The following GRIK3 variants were observed in gnomAD, a reference collection of about 807,000 sequenced individuals.
GRIK3 encodes the protein glutamate ionotropic receptor kainate type subunit 3, also known as glutamate receptor ionotropic, kainate 3.
Under a neutral mutation model 102.5 loss-of-function variants are expected in GRIK3, and 29 were observed. The ratio of observed to expected loss-of-function variants is 0.28; its 90% CI spans 0.21 to 0.39. The LOEUF (loss-of-function observed/expected upper bound fraction) is 0.39. Ranked by LOEUF, GRIK3 falls within the 10% of genes least tolerant of loss-of-function variation. GRIK3 has a pLI of 1.00. For synonymous variants in GRIK3, 511 were observed against 504.9 expected, an observed-to-expected ratio of 1.01 and a Z score of -0.16; for missense variants, 908 against 1,252.4, an observed-to-expected ratio of 0.73 and a Z score of 4.15.
At chr1:36,961,603 AG>A (rs1642010107) in intron 1 of GRIK3, among the ~76,000 whole-genome samples, 1 of 152,234 alleles carries the variant, frequency 6.6e-6, no homozygotes, top group Admixed American at 6.5e-5. Context: ...TGTGGGCTTC[AG>A]GGCCTATCTG....
At chr1:36,916,007 T>C (rs1641395240) in intron 1 of GRIK3, among the ~76,000 whole-genome samples, 1 of 152,122 alleles carries the variant, frequency 6.6e-6, no homozygotes, top group Admixed American at 6.5e-5. Context: ...TGTGGGAAGT[T>C]TGGAATTGCC....
intron 15 of GRIK3, among the ~76,000 whole-genome samples, chr1:36,802,868 C>T (rs751214306): frequency 6.6e-6 from 1 of 152,156 alleles, no homozygotes; most frequent in Non-Finnish European, 1.5e-5. Context: ...ACCCTCCAGG[C>T]TTCCCTTTCC....
chr1:36,947,380 T>A (rs1398863249), intron 1 of GRIK3, among the ~76,000 whole-genome samples: 1 of 152,128 alleles, frequency 6.6e-6, no homozygotes, highest in East Asian at 1.9e-4. Context: ...TGGTCTCAGC[T>A]GCCCACAATT....
At chr1:37,025,846 A>C (rs1175925680) in intron 1 of GRIK3, among the ~76,000 whole-genome samples, 1 of 152,176 alleles carries the variant, frequency 6.6e-6, no homozygotes, top group Non-Finnish European at 1.5e-5. Flanking sequence ...CTGCTCTGCT[A>C]TCCTTAACTA....
intron 1 of GRIK3, among the ~76,000 whole-genome samples, chr1:36,899,808 T>C (rs1397725328): frequency 6.6e-6 from 1 of 152,218 alleles, no homozygotes; most frequent in East Asian, 1.9e-4. Flanking sequence ...CAAGGAACTT[T>C]ATCAGAGACA....
intron 3 of GRIK3, among the ~76,000 whole-genome samples, chr1:36,874,311 G>A (rs527901131): frequency 6.6e-6 from 1 of 152,262 alleles, no homozygotes; most frequent in Admixed American, 6.5e-5. Flanking sequence ...TTGCTTCGGG[G>A]ACAGACATGT....
intron 1 of GRIK3, among the ~76,000 whole-genome samples, chr1:36,941,159 A>G (rs1641714892): frequency 6.6e-6 from 1 of 152,084 alleles, no homozygotes; most frequent in South Asian, 2.1e-4. Context: ...ATGATTTCAG[A>G]TCAGGATGGA....
At chr1:36,914,515 G>A (rs571256591) in intron 1 of GRIK3, among the ~76,000 whole-genome samples, 110 of 152,200 alleles carry the variant, frequency 7.2e-4, no homozygotes, top group Non-Finnish European at 1.4e-3. Context: ...GCATCTTACT[G>A]GAAACACGCT....
At chr1:36,979,180 T>C (rs1386812271) in intron 1 of GRIK3, among the ~76,000 whole-genome samples, 1 of 152,224 alleles carries the variant, frequency 6.6e-6, no homozygotes, top group African/African-American at 2.4e-5. Flanking sequence ...AGACCAGTCA[T>C]TGCAATAGAA....
intron 11 of GRIK3, among the ~76,000 whole-genome samples, chr1:36,825,116 G>A (rs1642741209): frequency 6.6e-6 from 1 of 152,190 alleles, no homozygotes; most frequent in East Asian, 1.9e-4. Flanking sequence ...GCCCAGACAG[G>A]GATGTGTGTA....
chr1:36,895,023 T>A (rs551921334), intron 1 of GRIK3, among the ~76,000 whole-genome samples: 1 of 152,216 alleles, frequency 6.6e-6, no homozygotes, highest in African/African-American at 2.4e-5. Flanking sequence ...AGCCATCCTA[T>A]CCCTTCTACA....
At chr1:36,840,201 G>T (rs1640429864) in intron 10 of GRIK3, among the ~76,000 whole-genome samples, 1 of 152,048 alleles carries the variant, frequency 6.6e-6, no homozygotes, top group Non-Finnish European at 1.5e-5. Context: ...CTACCTCACT[G>T]GGCTTTTATA....
chr1:37,018,815 CATT>C (rs1642680069), intron 1 of GRIK3, among the ~76,000 whole-genome samples: 1 of 151,896 alleles, frequency 6.6e-6, no homozygotes, highest in African/African-American at 2.4e-5. Flanking sequence ...TTCCATAAAT[CATT>C]GTCTCCATGA....
chr1:36,856,275 T>C (rs1046092341), intron 7 of GRIK3, among the ~76,000 whole-genome samples: 3 of 152,178 alleles, frequency 2.0e-5, no homozygotes, highest in Non-Finnish European at 4.4e-5. Context: ...CCTTCCTGCC[T>C]GTCAGCTACA....
chr1:36,969,504 C>T (rs1642118769), intron 1 of GRIK3, among the ~76,000 whole-genome samples: 2 of 152,210 alleles, frequency 1.3e-5, no homozygotes, highest in African/African-American at 4.8e-5. Flanking sequence ...CATTTGTTGG[C>T]ACTAACCATG....
At chr1:36,982,262 C>T (rs938249096) in intron 1 of GRIK3, among the ~76,000 whole-genome samples, 1 of 152,142 alleles carries the variant, frequency 6.6e-6, no homozygotes, top group African/African-American at 2.4e-5. Context: ...TGGTCAGGGC[C>T]CCGGGCTGGC....
chr1:36,909,854 A>G (rs917056878), intron 1 of GRIK3, among the ~76,000 whole-genome samples: 1 of 152,174 alleles, frequency 6.6e-6, no homozygotes, highest in African/African-American at 2.4e-5. Flanking sequence ...GTTTCGGGAA[A>G]CATACTGAAT....
intron 1 of GRIK3, among the ~76,000 whole-genome samples, chr1:36,942,900 C>G (rs1162616529): frequency 6.6e-6 from 1 of 152,164 alleles, no homozygotes; most frequent in East Asian, 1.9e-4. Flanking sequence ...TAGGGCAGCT[C>G]AGTGGACTGA....
chr1:37,027,490 C>A (rs1370786400), intron 1 of GRIK3, among the ~76,000 whole-genome samples: 1 of 152,112 alleles, frequency 6.6e-6, no homozygotes, highest in Non-Finnish European at 1.5e-5. Flanking sequence ...GTCATGCAAG[C>A]AAAGGGTCCT....
Sources: allele counts gnomAD v4.1 joint callset (sites outside exome capture counted in the v4.1 genomes callset), GRCh38; gene constraint gnomAD v4.1.1; transcripts MANE v1.5; gene names NCBI Gene and HGNC (gene_info 2026-07-23, HGNC 2026-07-21).